OLA1: variants seen among roughly 807,000 people sequenced by gnomAD.
OLA1 encodes Obg like ATPase 1, also known as obg-like ATPase 1.
Under a neutral mutation model 48.4 loss-of-function variants are expected in OLA1, and 14 were observed. The ratio of observed to expected loss-of-function variants is 0.29; its 90% CI spans 0.19 to 0.45. The LOEUF (loss-of-function observed/expected upper bound fraction) is 0.45. OLA1 is among the 20% of genes least tolerant of loss of function. The pLI, the probability that OLA1 is intolerant of heterozygous loss-of-function variation, is 1.00. For synonymous variants in OLA1, 127 were observed against 150.4 expected (o/e 0.84, Z 1.14); for missense variants, 325 against 467.1 (o/e 0.70, Z 2.80).
At chr2:174,223,765 C>CAAAAAAAAAA (rs71021680) in intron 3 of OLA1, among the ~76,000 whole-genome samples, 1 of 73,344 alleles carries the variant, frequency 1.4e-5, no homozygotes, top group African/African-American at 5.4e-5. Context: ...GTTATATAGA[C>CAAAAAAAAAA]AAAAAAAAAA....
intron 7 of OLA1, among the ~76,000 whole-genome samples, chr2:174,110,396 C>T (rs1387786394): frequency 6.8e-6 from 1 of 148,086 alleles, no homozygotes; most frequent in Non-Finnish European, 1.5e-5. Context: ...AAGTGATGTG[C>T]CCACCTCGGC....
chr2:174,229,547 G>T, intron 2 of OLA1, 96 bp from the exon 3 acceptor site: 1 of 889,450 alleles, frequency 1.1e-6, no homozygotes, highest in Non-Finnish European at 1.7e-6. Flanking sequence ...GATCCATGAG[G>T]AATATAAAAC....
intron 4 of OLA1, among the ~76,000 whole-genome samples, chr2:174,203,649 T>C (rs887983131): frequency 9.2e-5 from 14 of 152,128 alleles, no homozygotes; most frequent in Middle Eastern, 6.8e-3. Flanking sequence ...TCCAGCTGTT[T>C]CCACATGATG....
At chr2:174,186,643 G>A (rs1293600868) in intron 4 of OLA1, among the ~76,000 whole-genome samples, 1 of 151,874 alleles carries the variant, frequency 6.6e-6, no homozygotes, top group Admixed American at 6.6e-5. Context: ...CCTACCTAAG[G>A]CCAAGACCTA....
At chr2:174,154,973 G>C (rs4972638) in intron 4 of OLA1, among the ~76,000 whole-genome samples, 16,743 of 151,810 alleles carry the variant, frequency 0.11, 2,172 homozygotes, top group East Asian at 0.71. Context: ...TCTTACTTCT[G>C]CCTTTCAAAA....
intron 4 of OLA1, among the ~76,000 whole-genome samples, chr2:174,144,951 A>AAATATATATAT (rs1181030817): frequency 1.5e-4 from 6 of 40,296 alleles, no homozygotes; most frequent in South Asian, 3.4e-3. Flanking sequence ...AAAAAAAAAA[A>AAATATATATAT]ATATATATAT....
chr2:174,139,827 T>C (rs1031757246), intron 5 of OLA1, among the ~76,000 whole-genome samples: 1 of 130,472 alleles, frequency 7.7e-6, no homozygotes, highest in African/African-American at 3.0e-5. Context: ...ATAGTGCCAC[T>C]GAACTCCAGC....
At chr2:174,094,298 A>G (rs1476154694) in intron 7 of OLA1, among the ~76,000 whole-genome samples, 3 of 152,266 alleles carry the variant, frequency 2.0e-5, no homozygotes. Flanking sequence ...AGAGCTAAGT[A>G]AATGGAAAGA....
chr2:174,112,090 C>A (rs182986345), intron 7 of OLA1, among the ~76,000 whole-genome samples: 2 of 152,266 alleles, frequency 1.3e-5, no homozygotes, highest in African/African-American at 4.8e-5. Flanking sequence ...AACTGTCTAA[C>A]AACAAAACCT....
At chr2:174,080,256 T>C (rs952850229) in intron 9 of OLA1, among the ~76,000 whole-genome samples, 36 of 152,146 alleles carry the variant, frequency 2.4e-4, no homozygotes, top group African/African-American at 8.4e-4. Flanking sequence ...AAAATACATG[T>C]AACAATAAAT....
chr2:174,247,127 C>T lies in OLA1; in HGVS notation c.1-312G>A, dbSNP rs577293388. 3 of 180,404 alleles carry T rather than the reference C, an allele frequency of 1.7e-5. No individual in the cohort carries two copies. In the South Asian group the frequency reaches 4.9e-4, roughly 29 times the overall value. The allele number at this position is 180,404 out of a possible 1,614,324, so 11.2% of individuals were successfully genotyped here. On this transcript the variant is annotated intron_variant, in intron 1 of 10. Transcript: ENST00000284719. ...TCCCAGCACTTTGGGAGGGGGAGGC[C>T]GAGGTGGGCAGACTGCTTGAGACCA...
intron 7 of OLA1, among the ~76,000 whole-genome samples, chr2:174,100,883 A>G (rs75107833): frequency 0.29 from 44,477 of 151,974 alleles, 6,824 homozygotes; most frequent in Non-Finnish European, 0.35. Flanking sequence ...GAGGTGTATG[A>G]TTTCCACAGC....
intron 4 of OLA1, among the ~76,000 whole-genome samples, chr2:174,178,102 T>C (rs1384896885): frequency 1.3e-5 from 2 of 152,054 alleles, no homozygotes; most frequent in Non-Finnish European, 2.9e-5. Context: ...TGAACAACAG[T>C]TAATTTATCC....
chr2:174,152,971 C>T (rs1380510910), intron 4 of OLA1, among the ~76,000 whole-genome samples: 1 of 152,196 alleles, frequency 6.6e-6, no homozygotes, highest in African/African-American at 2.4e-5. Flanking sequence ...CTCTCCTCTT[C>T]CTTCCTCCTC....
At chr2:174,181,294 A>G (rs1264157736) in intron 4 of OLA1, among the ~76,000 whole-genome samples, 1 of 152,200 alleles carries the variant, frequency 6.6e-6, no homozygotes, top group African/African-American at 2.4e-5. Context: ...AATGTGAAGA[A>G]GTGGAGATGA....
intron 5 of OLA1, among the ~76,000 whole-genome samples, chr2:174,127,047 T>A (rs368139029): frequency 6.6e-6 from 1 of 152,350 alleles, no homozygotes; most frequent in African/African-American, 2.4e-5. Flanking sequence ...CTCTTCTGCT[T>A]TGACTCTTCT....
intron 7 of OLA1, among the ~76,000 whole-genome samples, chr2:174,110,413 A>G (rs1357436886): frequency 6.7e-6 from 1 of 150,330 alleles, no homozygotes; most frequent in Non-Finnish European, 1.5e-5. Flanking sequence ...CGGCCTCCCA[A>G]AATGCTGGTA....
intron 4 of OLA1, among the ~76,000 whole-genome samples, chr2:174,156,578 C>CTT (rs5836451): frequency 0.015 from 1,119 of 74,034 alleles, 16 homozygotes; most frequent in East Asian, 0.042. Context: ...CTCCCACACT[C>CTT]TTTTTTTTTT....
At chr2:174,114,439 C>G (rs1685735091) in intron 7 of OLA1, among the ~76,000 whole-genome samples, 1 of 140,604 alleles carries the variant, frequency 7.1e-6, no homozygotes, top group African/African-American at 2.7e-5. Flanking sequence ...AATGACAAAA[C>G]TTAAAAGTCA....
Sources: gnomAD v4.1 joint callset for allele counts (sites outside exome capture counted in the v4.1 genomes callset) on GRCh38, gnomAD v4.1.1 for gene constraint, MANE v1.5 for transcripts, NCBI Gene and HGNC (gene_info 2026-07-23, HGNC 2026-07-21) for gene names.